The following ATXN10 variants were observed in gnomAD, a reference collection of about 807,000 sequenced individuals.
ATXN10 encodes ataxin 10, also known as ataxin-10.
A neutral mutation model predicts 52.9 loss-of-function variants in ATXN10; 28 were observed. The observed-to-expected ratio is 0.53, with a 90% CI of 0.39 to 0.73. ATXN10 has a LOEUF of 0.73. ATXN10 is among the 30% of genes least tolerant of loss of function. ATXN10 has a pLI of 0.00. For missense variants in ATXN10, 565 were observed against 577.0 expected (o/e 0.98, Z 0.21); for synonymous variants, 226 against 221.5 (o/e 1.02, Z -0.18).
intron 9 of ATXN10, among the ~76,000 whole-genome samples, chr22:45,746,978 A>G (rs1045485812): frequency 6.6e-5 from 10 of 152,344 alleles, no homozygotes; most frequent in East Asian, 1.9e-4. Flanking sequence ...TTATTTGGGT[A>G]TCACTCAATT....
Position 45,844,752 on chromosome 22 carries a change from T to G in ATXN10, c.*1081T>G, listed in dbSNP as rs1215760606. On this transcript the variant is annotated 3_prime_UTR_variant, in exon 12 of 12. Coordinates refer to ENST00000252934, the MANE Select transcript of ATXN10 (RefSeq NM_013236.4). ...CAACAACCATATCGCTAAACTAATA[T>G]ATCCAGAGATTTTGCACAATTCGTG... is the stretch of plus-strand genomic sequence containing the variant. The G allele has an allele frequency of 1.3e-5, 2 of 152,232 alleles. No homozygotes were observed. Among genetic ancestry groups the G allele is most frequent in the African/African-American group, 4.8e-5 (2 of 41,472 alleles). The allele number at this position is 152,232 out of a possible 1,614,324, so 9.4% of individuals were successfully genotyped here. A position where few individuals can be genotyped will look rare whatever the true frequency, so the allele number is the denominator to read the frequency against.
Position 45,840,865 on chromosome 22 carries a change from A to G in ATXN10, c.1238-2126A>G, listed in dbSNP as rs1929325073. 6.6e-6 allele frequency among the ~76,000 whole-genome samples: 1 copy of G among 152,176 alleles called. No homozygotes were observed. Among genetic ancestry groups the G allele is most frequent in the Non-Finnish European group, 1.5e-5 (1 of 68,032 alleles). On this transcript the variant is annotated intron_variant, in intron 10 of 11. Transcript: ENST00000252934. This position sits in a 1 kb window ranked among gnomAD's most constrained non-coding sequence, Gnocchi z 5.8. ...CTTTCATTTACCATTAGAGAGTTAT[A>G]CTCATGAACAAAAATTCCCCAGTCT...
At chr22:45,753,997 C>G (rs1347336024) in intron 9 of ATXN10, among the ~76,000 whole-genome samples, 1 of 152,218 alleles carries the variant, frequency 6.6e-6, no homozygotes, top group Non-Finnish European at 1.5e-5. Context: ...GAACCTTGTC[C>G]TAGTTGGATC....
At chr22:45,730,729 A>G (rs1179203938) in intron 7 of ATXN10, among the ~76,000 whole-genome samples, 2 of 152,206 alleles carry the variant, frequency 1.3e-5, no homozygotes, top group East Asian at 1.9e-4. Context: ...AAGCCACCAC[A>G]TCTGGCAGTA....
intron 5 of ATXN10, among the ~76,000 whole-genome samples, chr22:45,704,267 CT>C (rs1157508362): frequency 2.7e-5 from 4 of 150,318 alleles, no homozygotes; most frequent in African/African-American, 9.8e-5. Flanking sequence ...TCCTGGGTCC[CT>C]TCTGTTTCCA....
In ATXN10 at chr22:45,786,723, C is replaced by T. The variant is rs1208144206; in HGVS notation, c.1174-20236C>T. ...AGCCTTCCTTTATGGCAAAGGAAAG[C>T]CCCAAAGAACATTTTTTACCTATCA... On this transcript the variant is annotated intron_variant, in intron 9 of 11. Coordinates refer to ENST00000252934, the MANE Select transcript of ATXN10 (RefSeq NM_013236.4). The surrounding 1 kb of genome is among the most constrained non-coding windows in gnomAD (Gnocchi z 4.1). Among the ~76,000 whole-genome samples the T allele has an allele frequency of 1.3e-5, 2 of 152,144 alleles. No homozygotes were observed. The highest frequency in any genetic ancestry group is 4.8e-5 in the African/African-American group (2 of 41,414).
rs534494612 is a variant in ATXN10, at chr22:45,742,755, C to T, written c.1173+2217C>T. Among the ~76,000 whole-genome samples the T allele has an allele frequency of 2.0e-4, 30 of 152,310 alleles. No homozygotes were observed. The East Asian group carries it at 4.8e-3, about 24-fold the overall frequency. ...CTGTGAGACATGGCGCAGAACCAAA[C>T]GCTAGACAACTTGCACTTTTAGTAT... On this transcript the variant is annotated intron_variant, in intron 9 of 11. Coordinates refer to ENST00000252934, the MANE Select transcript of ATXN10 (RefSeq NM_013236.4).
intron 3 of ATXN10, among the ~76,000 whole-genome samples, chr22:45,699,569 G>A (rs1923758060): frequency 6.8e-6 from 1 of 146,668 alleles, no homozygotes; most frequent in South Asian, 2.1e-4. Context: ...TGGCTCACTG[G>A]AACCTCCACC....
rs770250849 is a variant in ATXN10 at position 45,762,170 on chromosome 22, G to A, written c.1173+21632G>A. Among the ~76,000 whole-genome samples the A allele has an allele frequency of 1.3e-4, 20 of 152,208 alleles. No individual in the cohort carries two copies. The highest frequency in any genetic ancestry group is 2.5e-4 in the Non-Finnish European group (17 of 68,028). ...GCTTGACATTACAGGTAGAAAGGAAGTCAGTCTCTGTCCCCTGTGCGTTTC... is the reference window on the plus strand; with the variant it reads ...GCTTGACATTACAGGTAGAAAGGAAATCAGTCTCTGTCCCCTGTGCGTTTC... On this transcript the variant is annotated intron_variant, in intron 9 of 11. Transcript: ENST00000252934. This position sits in a 1 kb window ranked among gnomAD's most constrained non-coding sequence, Gnocchi z 4.3.
chr22:45,747,163 C>A (rs1395258025), intron 9 of ATXN10, among the ~76,000 whole-genome samples: 1 of 152,110 alleles, frequency 6.6e-6, no homozygotes, highest in East Asian at 1.9e-4. Context: ...TTTATAGGAA[C>A]CTAACTCTGC....
At chr22:45,827,333 A>T (rs1049563712) in intron 10 of ATXN10, among the ~76,000 whole-genome samples, 1 of 152,238 alleles carries the variant, frequency 6.6e-6, no homozygotes, top group Non-Finnish European at 1.5e-5. Flanking sequence ...TTTAAATGTA[A>T]ATGGATCAAG....
Position 45,683,312 on chromosome 22 carries a change from C to T in ATXN10, c.117-6400C>T, listed in dbSNP as rs1325310010. On this transcript the variant is annotated intron_variant, in intron 1 of 11. Coordinates refer to ENST00000252934, the MANE Select transcript of ATXN10 (RefSeq NM_013236.4). This position sits in a 1 kb window ranked among gnomAD's most constrained non-coding sequence, Gnocchi z 4.8. Reference sequence around the variant, plus strand: ...CCAGCCTGGGCAACAGAGCAAAACTCTGTCTCAAAAACAAAACGAAAAAAA... The same window carrying T: ...CCAGCCTGGGCAACAGAGCAAAACTTTGTCTCAAAAACAAAACGAAAAAAA... Among the ~76,000 whole-genome samples, 9 of 152,214 alleles carry T rather than the reference C, an allele frequency of 5.9e-5. No homozygotes were observed. The highest frequency in any genetic ancestry group is 2.6e-4 in the Admixed American group (4 of 15,278).
At chr22:45,806,702 T>C (rs1341088085) in intron 9 of ATXN10, among the ~76,000 whole-genome samples, 1 of 152,190 alleles carries the variant, frequency 6.6e-6, no homozygotes. Flanking sequence ...TAGGAAGTGA[T>C]CTACTTAGAT....
rs1555896219 is a variant in ATXN10, at chr22:45,795,424, T to TATTCTATTCTTTTCTATTC, written c.1174-11535_1174-11534insATTCTATTCTTTTCTATTC. On this transcript the variant is annotated intron_variant, in intron 9 of 11. Coordinates refer to ENST00000252934, the MANE Select transcript of ATXN10 (RefSeq NM_013236.4). The surrounding 1 kb of genome is among the most constrained non-coding windows in gnomAD (Gnocchi z 4.6). ...TATTCTATTCTATTCTATTCTATTC[T>TATTCTATTCTTTTCTATTC]TTTTGAGATGAAGTCTCTCTATGTT... is the stretch of plus-strand genomic sequence containing the variant. Among the ~76,000 whole-genome samples the TATTCTATTCTTTTCTATTC allele has an allele frequency of 1.4e-5, 2 of 147,462 alleles. No homozygotes were observed. Among genetic ancestry groups the TATTCTATTCTTTTCTATTC allele is most frequent in the African/African-American group, 2.6e-5 (1 of 38,924 alleles).
intron 1 of ATXN10, among the ~76,000 whole-genome samples, chr22:45,682,782 C>T (rs1922979712): frequency 6.6e-6 from 1 of 152,164 alleles, no homozygotes; most frequent in African/African-American, 2.4e-5. Flanking sequence ...TTGATGTCAT[C>T]CTTCACTCCC....
rs1327499998 is a variant in ATXN10, at chr22:45,727,434, C to T, written c.729-1991C>T. Among the ~76,000 whole-genome samples the T allele has an allele frequency of 6.6e-6, 1 of 152,134 alleles. No homozygotes were observed. The highest frequency in any genetic ancestry group is 1.5e-5 in the Non-Finnish European group (1 of 68,040). On this transcript the variant is annotated intron_variant, in intron 6 of 11. Transcript: ENST00000252934. This position sits in a 1 kb window ranked among gnomAD's most constrained non-coding sequence, Gnocchi z 4.6. The stretch of plus-strand genomic sequence containing the variant: ...GGTGCAGTGGCACGATCTTGGCTTA[C>T]TGTAACCTCTGCCTCCTGGGTTCAA...
At position 45,783,973 on chromosome 22, in the gene ATXN10, C is replaced by T. The variant is rs987890245; in HGVS notation, c.1174-22986C>T. ...CTGCTGAGGCTGGCGGCCCACTACC[C>T]GCATTTGTCCCTGACTGCTTTGCAG... On this transcript the variant is annotated intron_variant, in intron 9 of 11. Coordinates refer to ENST00000252934, the MANE Select transcript of ATXN10 (RefSeq NM_013236.4). The surrounding 1 kb of genome is among the most constrained non-coding windows in gnomAD (Gnocchi z 5.0). Among the ~76,000 whole-genome samples the T allele has an allele frequency of 6.6e-6, 1 of 152,144 alleles. No individual in the cohort carries two copies. Among genetic ancestry groups the T allele is most frequent in the Admixed American group, 6.5e-5 (1 of 15,278 alleles).
At chr22:45,721,963 G>T (rs2238826) in intron 6 of ATXN10, among the ~76,000 whole-genome samples, 1 of 152,058 alleles carries the variant, frequency 6.6e-6, no homozygotes, top group Admixed American at 6.6e-5. Context: ...TAATTTTAAG[G>T]CAGACTATGT....
intron 9 of ATXN10, among the ~76,000 whole-genome samples, chr22:45,801,109 C>T (rs1338842297): frequency 2.0e-5 from 3 of 152,184 alleles, no homozygotes; most frequent in African/African-American, 7.2e-5. Context: ...TTCTTCTGAG[C>T]AGGTCTTACA....
Sources: gnomAD v4.1 joint callset for allele counts (sites outside exome capture counted in the v4.1 genomes callset) on GRCh38, gnomAD v4.1.1 for gene constraint, Gnocchi (gnomAD v3.1) non-coding constraint, MANE v1.5 for transcripts, NCBI Gene and HGNC (gene_info 2026-07-23, HGNC 2026-07-21) for gene names.